CEP120: variants seen among roughly 807,000 people sequenced by gnomAD.
CEP120 encodes centrosomal protein 120, also known as centrosomal protein of 120 kDa.
CEP120 carries 113 observed loss-of-function variants against 126.5 expected under a neutral mutation model. The observed-to-expected ratio is 0.89, with a 90% CI of 0.77 to 1.04. CEP120 has a LOEUF of 1.04. Ranked by LOEUF, CEP120 falls within the 50% of genes least tolerant of loss-of-function variation. The pLI, the probability that CEP120 is intolerant of heterozygous loss-of-function variation, is 0.00. For missense variants in CEP120, 1,230 were observed against 1,155.7 expected (o/e 1.06, Z -0.93); for synonymous variants, 400 against 394.3 (o/e 1.01, Z -0.17).
At chr5:123,372,525 T>C in intron 17 of CEP120, 125 bp downstream of exon 17, 3 of 973,514 alleles carry the variant, frequency 3.1e-6, no homozygotes. Context: ...TTTAATTCTC[T>C]AATGCATTCT....
intron 4 of CEP120, among the ~76,000 whole-genome samples, chr5:123,410,712 C>T (rs1280561246): frequency 6.6e-6 from 1 of 152,170 alleles, no homozygotes; most frequent in African/African-American, 2.4e-5. Flanking sequence ...TAAATGTAAA[C>T]TGCAAAACTA....
At chr5:123,375,242 T>A (rs1387830796) in intron 16 of CEP120, among the ~76,000 whole-genome samples, 3 of 152,058 alleles carry the variant, frequency 2.0e-5, no homozygotes, top group Non-Finnish European at 2.9e-5. Flanking sequence ...AAGTAATTTT[T>A]CCAAAATACC....
At chr5:123,354,773 ATGTTT>A (rs1554099539) in intron 18 of CEP120, among the ~76,000 whole-genome samples, 14 of 73,448 alleles carry the variant, frequency 1.9e-4, no homozygotes, top group Non-Finnish European at 4.1e-4. Context: ...CAACCATCCT[ATGTTT>A]TTTTTTTAAA....
Position 123,389,790 on chromosome 5 carries a change from G to A in CEP120, c.1255+134C>T, listed in dbSNP as rs376710355. ...GCTGGGATTACAGGCGTGAGCCACCGTGCCCAGCCTTATTGGTTCTTAACA... is the reference window on the plus strand; with the variant it reads ...GCTGGGATTACAGGCGTGAGCCACCATGCCCAGCCTTATTGGTTCTTAACA... On this transcript the variant is annotated intron_variant, in intron 8 of 19. Transcript: ENST00000306467. 31 of 745,462 alleles carry A rather than the reference G, an allele frequency of 4.2e-5. No homozygotes were observed. In the East Asian group the frequency reaches 5.7e-4, roughly 14 times the overall value. The allele number at this position is 745,462 out of a possible 1,614,324, so 46.2% of individuals were successfully genotyped here.
chr5:123,371,395 T>C (rs1280962508), intron 17 of CEP120, among the ~76,000 whole-genome samples: 1 of 152,012 alleles, frequency 6.6e-6, no homozygotes, highest in Non-Finnish European at 1.5e-5. Flanking sequence ...TCCCATTTTT[T>C]AAAGCCATCA....
rs567550166 is a variant in CEP120 at position 123,386,524 on chromosome 5, A to G, written c.1574T>C (p.Phe525Ser). The G allele has an allele frequency of 1.7e-4, 263 of 1,564,316 alleles. No homozygotes were observed. The South Asian group carries it at 2.9e-3, about 17-fold the overall frequency. ...ATMPHQLQDT[F>S]LRIPLLVELW... The stretch of plus-strand genomic sequence containing the variant: ...CATACACTGTATGCATTACCTTAAG[A>G]AGGTGTCTTGCAGCTGATGAGGCAT... Residue 525 changes from phenylalanine (F) to serine (S), a missense_variant, in exon 10 of 20, where the codon TTC becomes TCC. Transcript: ENST00000306467.
chr5:123,349,097 T>G (rs1580620067), intron 19 of CEP120, among the ~76,000 whole-genome samples: 1 of 152,198 alleles, frequency 6.6e-6, no homozygotes, highest in East Asian at 1.9e-4. Flanking sequence ...AATTCATTTT[T>G]ATGCTGCTTC....
chr5:123,363,187 T>C (rs939239047), intron 18 of CEP120, among the ~76,000 whole-genome samples: 1 of 151,524 alleles, frequency 6.6e-6, no homozygotes, highest in African/African-American at 2.4e-5. Flanking sequence ...TCACAACCAA[T>C]TCCTCTATTA....
chr5:123,364,392 T>C (rs541550552), intron 18 of CEP120, 104 bp downstream of exon 18: 2 of 500,498 alleles, frequency 4.0e-6, no homozygotes, highest in Admixed American at 3.7e-5. Flanking sequence ...AAAATAGCAA[T>C]ATTCAAATGC....
At chr5:123,389,869 T>C (rs1772273259) in intron 8 of CEP120, 55 bp downstream of exon 8, 2 of 1,461,750 alleles carry the variant, frequency 1.4e-6, no homozygotes, top group Non-Finnish European at 1.9e-6. Flanking sequence ...ATTTTTTAGA[T>C]GGCTGCAAAA....
rs143436724 is a variant in CEP120 at position 123,414,480 on chromosome 5, G to A, written c.321+1530C>T. On this transcript the variant is annotated intron_variant, in intron 3 of 19. Coordinates refer to ENST00000306467, the MANE Select transcript of CEP120 (RefSeq NM_001375405.1). ...ATCAGCAGCAAAAATATTAGTAAAA[G>A]ATAAGTTTTTCTTCACAGAATCCCA... is the stretch of plus-strand genomic sequence containing the variant. Among the ~76,000 whole-genome samples, 96 of 152,278 alleles carry A rather than the reference G, an allele frequency of 6.3e-4. No homozygotes were observed. In the East Asian group the frequency reaches 0.017, roughly 27 times the overall value.
At chr5:123,351,233 C>T (rs186224850) in intron 18 of CEP120, among the ~76,000 whole-genome samples, 52 of 152,242 alleles carry the variant, frequency 3.4e-4, no homozygotes, top group Non-Finnish European at 3.1e-4. Context: ...ATAACTACTA[C>T]CCTAATTTTA....
chr5:123,385,794 G>A (rs774488510), intron 10 of CEP120, among the ~76,000 whole-genome samples: 7 of 151,912 alleles, frequency 4.6e-5, no homozygotes, highest in Non-Finnish European at 8.8e-5. Context: ...TGTAGAGACA[G>A]GGTTTCACCA....
chr5:123,387,316 C>A (rs1272310548), intron 9 of CEP120, among the ~76,000 whole-genome samples: 1 of 151,958 alleles, frequency 6.6e-6, no homozygotes, highest in African/African-American at 2.4e-5. Context: ...ATGTAGTCAC[C>A]CAATTCCTAT....
chr5:123,364,743 A>G (rs924116628), intron 17 of CEP120, 149 bp from the exon 18 acceptor site: 11 of 389,184 alleles, frequency 2.8e-5, no homozygotes, highest in Non-Finnish European at 5.1e-5. Context: ...AATTTACTAT[A>G]AATATTATGG....
intron 14 of CEP120, among the ~76,000 whole-genome samples, chr5:123,381,023 G>T (rs1771603120): frequency 1.3e-5 from 2 of 150,926 alleles, no homozygotes; most frequent in African/African-American, 2.4e-5. Context: ...TTAATGGTGA[G>T]AATTAAGTTA....
At chr5:123,390,952 A>C in intron 7 of CEP120, 158 bp downstream of exon 7, 1 of 612,236 alleles carries the variant, frequency 1.6e-6, no homozygotes, top group Non-Finnish European at 2.9e-6. Flanking sequence ...AACAGAAGTC[A>C]CAGCACTTTT....
At chr5:123,353,798 GTC>G (rs925886886) in intron 18 of CEP120, among the ~76,000 whole-genome samples, 2 of 151,778 alleles carry the variant, frequency 1.3e-5, no homozygotes, top group East Asian at 1.9e-4. Flanking sequence ...CTATAGTCTT[GTC>G]TCTTTTTTCA....
intron 4 of CEP120, chr5:123,403,237 T>C (rs1036802967): frequency 2.2e-6 from 1 of 454,346 alleles, no homozygotes; most frequent in African/African-American, 2.0e-5. Flanking sequence ...GATCTTGGCT[T>C]CTAAAAATCA....
Sources: gnomAD v4.1 joint callset for allele counts (sites outside exome capture counted in the v4.1 genomes callset) on GRCh38, gnomAD v4.1.1 for gene constraint, MANE v1.5 for transcripts, NCBI Gene and HGNC (gene_info 2026-07-23, HGNC 2026-07-21) for gene names.